ADCY1: variants seen among roughly 807,000 people sequenced by gnomAD.
ADCY1 encodes adenylate cyclase 1, also known as adenylate cyclase type 1.
In ADCY1, 28 loss-of-function variants were observed where a neutral mutation model predicts 105.4. The ratio of observed to expected loss-of-function variants is 0.27; its 90% CI spans 0.20 to 0.36. The LOEUF (loss-of-function observed/expected upper bound fraction) is 0.36. Ranked by LOEUF, ADCY1 falls within the 10% of genes least tolerant of loss-of-function variation. The pLI is 1.00. For missense variants in ADCY1, 977 were observed against 1,434.2 expected (o/e 0.68, Z 5.15); for synonymous variants, 655 against 623.8 (o/e 1.05, Z -0.75).
rs149332041 is a variant in ADCY1, at chr7:45,709,678, CA to C, written c.2933-848del. The stretch of plus-strand genomic sequence containing the variant: ...GGACAAGCTCAGAAAAATTAGTCCA[CA>C]AGTATGGAAGGGGAAGATAGGAAGT... On this transcript the variant is annotated intron_variant, in intron 18 of 19. Transcript: ENST00000297323. Among the ~76,000 whole-genome samples, 1,459 of 152,300 alleles carry C rather than the reference CA, an allele frequency of 9.6e-3. 15 individuals are homozygous for C. The highest frequency in any genetic ancestry group is 0.014 in the South Asian group (68 of 4,824).
intron 2 of ADCY1, among the ~76,000 whole-genome samples, chr7:45,607,763 G>A (rs1002233436): frequency 2.6e-5 from 4 of 152,162 alleles, no homozygotes; most frequent in African/African-American, 9.7e-5. Flanking sequence ...TTGCTGTAAA[G>A]GACATCATTT....
Position 45,703,447 on chromosome 7 carries a change from G to A in ADCY1, c.2526G>A (p.Pro842=), listed in dbSNP as rs150225572. 2.0e-4 allele frequency: 320 copies of A among 1,613,934 alleles called. 1 individual carries two copies. The highest frequency in any genetic ancestry group is 2.4e-4 in the Non-Finnish European group (287 of 1,179,994). The change falls in exon 15 of 20, where the codon CCG becomes CCA. Residue 842 remains proline, a synonymous_variant. Transcript: ENST00000297323. This position sits in a 1 kb window ranked among gnomAD's most constrained non-coding sequence, Gnocchi z 5.9. ...GGCGCATCCTCTTCAACCTCCTGCCGGCCCACGTCGCCCAGCACTTCCTCA... is the reference window on the plus strand; with the variant it reads ...GGCGCATCCTCTTCAACCTCCTGCCAGCCCACGTCGCCCAGCACTTCCTCA... The part of the protein sequence containing the change: ...DNRRILFNLL[P]AHVAQHFLMS...
Position 45,714,152 on chromosome 7 carries a change from C to T in ADCY1, c.*157C>T, listed in dbSNP as rs554652143. The stretch of plus-strand genomic sequence containing the variant: ...CATTGTCCAGGCATGGCCTGTGGCC[C>T]GAGGGCCAACCACCGAGCAGGCACA... On this transcript the variant is annotated 3_prime_UTR_variant, in exon 20 of 20. Coordinates refer to ENST00000297323, the MANE Select transcript of ADCY1 (RefSeq NM_021116.4). 3.3e-5 allele frequency: 20 copies of T among 598,612 alleles called. No homozygotes were observed. The highest frequency in any genetic ancestry group is 4.4e-4 in the Middle Eastern group (1 of 2,248). The allele number at this position is 598,612 out of a possible 1,614,324, so 37.1% of individuals were successfully genotyped here.
At chr7:45,644,002 C>T (rs1399595940) in intron 4 of ADCY1, among the ~76,000 whole-genome samples, 1 of 152,168 alleles carries the variant, frequency 6.6e-6, no homozygotes. Context: ...AGGAAGCTTC[C>T]TCTAGGGTTT....
At chr7:45,643,235 A>G (rs1233616328) in intron 4 of ADCY1, among the ~76,000 whole-genome samples, 1 of 150,688 alleles carries the variant, frequency 6.6e-6, no homozygotes, top group Non-Finnish European at 1.5e-5. Context: ...TCTGGGTTGT[A>G]ATTGGTCCGA....
At chr7:45,606,510 C>G (rs1259206609) in intron 2 of ADCY1, among the ~76,000 whole-genome samples, 1 of 152,210 alleles carries the variant, frequency 6.6e-6, no homozygotes, top group Non-Finnish European at 1.5e-5. Context: ...AGCACTCAGT[C>G]TGGCATATAT....
At chr7:45,623,621 T>G (rs538853551) in intron 4 of ADCY1, among the ~76,000 whole-genome samples, 3 of 152,168 alleles carry the variant, frequency 2.0e-5, no homozygotes, top group Non-Finnish European at 4.4e-5. Context: ...ATGGATACAT[T>G]GTACTACTCA....
chr7:45,657,675 C>T, intron 5 of ADCY1, 52 bp from the exon 6 acceptor site: 1 of 1,572,190 alleles, frequency 6.4e-7, no homozygotes, highest in Non-Finnish European at 8.6e-7. Context: ...AGGTGGCCCC[C>T]TGGGAGGATA....
Position 45,708,317 on chromosome 7 carries a change from C to G in ADCY1, c.2818-33C>G. The G allele has an allele frequency of 6.5e-7, 1 of 1,533,154 alleles. No homozygotes were observed. The highest frequency in any genetic ancestry group is 9.0e-7 in the Non-Finnish European group (1 of 1,107,220). 95.0% of individuals were successfully genotyped at this position (1,533,154 alleles called of 1,614,324 possible). ...CTGGCCCCCTCTTGCCTTGCACTCC[C>G]CAGATGTAATGACCCCATCTGTTTA... On this transcript the variant is annotated intron_variant, in intron 17 of 19. Coordinates refer to ENST00000297323, the MANE Select transcript of ADCY1 (RefSeq NM_021116.4). The surrounding 1 kb of genome is among the most constrained non-coding windows in gnomAD (Gnocchi z 4.7).
At position 45,656,518 on chromosome 7, in the gene ADCY1, G is replaced by T. The variant is rs1216860098; in HGVS notation, c.1149-1209G>T. ...GGCCTCCATGTGCTATGGTTTTTGG[G>T]CACAGGCCCTTGTAAGGATGAAGTG... On this transcript the variant is annotated intron_variant, in intron 5 of 19. Transcript: ENST00000297323. 2.6e-5 allele frequency among the ~76,000 whole-genome samples: 4 copies of T among 152,316 alleles called. No individual in the cohort carries two copies. In the East Asian group the frequency reaches 7.7e-4, roughly 29 times the overall value.
rs761339591 is a variant in ADCY1, at chr7:45,714,013, T to C, written c.*18T>C. ...AGGCTTAGTGGAGCCCACGTGGGCC[T>C]CTGGGGTGCACATGGGGTGGGAATG... is the stretch of plus-strand genomic sequence containing the variant. On this transcript the variant is annotated 3_prime_UTR_variant, in exon 20 of 20. Transcript: ENST00000297323. The C allele has an allele frequency of 2.6e-6, 2 of 762,502 alleles. No homozygotes were observed. Among genetic ancestry groups the C allele is most frequent in the East Asian group, 2.4e-5 (1 of 40,906 alleles). The allele number at this position is 762,502 out of a possible 1,614,324, so 47.2% of individuals were successfully genotyped here.
intron 10 of ADCY1, among the ~76,000 whole-genome samples, chr7:45,679,312 C>T (rs926322343): frequency 2.0e-5 from 3 of 152,270 alleles, no homozygotes; most frequent in South Asian, 4.2e-4. Context: ...GGGATTTAAG[C>T]GTTTTCTAAA....
chr7:45,578,796 TTCC>T (rs368087194), intron 1 of ADCY1, among the ~76,000 whole-genome samples: 29 of 152,324 alleles, frequency 1.9e-4, no homozygotes, highest in African/African-American at 6.3e-4. Flanking sequence ...AGCTCTGAGC[TTCC>T]TCCCTTTGCT....
At chr7:45,598,176 G>T (rs970671527) in intron 2 of ADCY1, among the ~76,000 whole-genome samples, 3 of 152,194 alleles carry the variant, frequency 2.0e-5, no homozygotes, top group Non-Finnish European at 4.4e-5. Flanking sequence ...CTGGGGCTCT[G>T]AAAATTTAAA....
At chr7:45,580,580 G>C (rs1483727201) in intron 1 of ADCY1, among the ~76,000 whole-genome samples, 1 of 152,202 alleles carries the variant, frequency 6.6e-6, no homozygotes, top group Non-Finnish European at 1.5e-5. Flanking sequence ...GGTGACCTTT[G>C]AAGGTGTGCA....
chr7:45,637,202 A>G (rs1645909581), intron 4 of ADCY1, among the ~76,000 whole-genome samples: 1 of 152,348 alleles, frequency 6.6e-6, no homozygotes, highest in South Asian at 2.1e-4. Context: ...AGAAACTTAC[A>G]ATTATATACA....
In ADCY1 at chr7:45,678,187, T is replaced by C; in HGVS notation, c.1822T>C (p.Tyr608His). Reference protein sequence around the residue: ...EQKYHQLQDEYFTSAVVLTLI... With the variant: ...EQKYHQLQDEHFTSAVVLTLI... The stretch of plus-strand genomic sequence containing the variant: ...ACAGTACCACCAGCTTCAGGACGAG[T>C]ATTTCACCAGCGCCGTTGTCCTCAC... Residue 608 changes from tyrosine to histidine, a missense_variant, in exon 10 of 20, where the codon TAT becomes CAT. This residue lies in a region of ADCY1 where 275 missense variants were observed against 362.1 expected (regional missense o/e 0.76). Transcript: ENST00000297323. 6.2e-7 allele frequency: 1 copy of C among 1,614,114 alleles called. No individual in the cohort carries two copies. The highest frequency in any genetic ancestry group is 8.5e-7 in the Non-Finnish European group (1 of 1,180,032).
intron 8 of ADCY1, among the ~76,000 whole-genome samples, chr7:45,672,198 A>C (rs909046465): frequency 1.3e-5 from 2 of 152,298 alleles, no homozygotes; most frequent in South Asian, 4.1e-4. Context: ...TTGATAAGCT[A>C]TCCTTCCTCC....
At chr7:45,593,006 A>C in intron 2 of ADCY1, 98 bp downstream of exon 2, 3 of 1,485,718 alleles carry the variant, frequency 2.0e-6, no homozygotes, top group Non-Finnish European at 2.7e-6. Flanking sequence ...CCGTGGTGAC[A>C]TGGGCCACAA....
Sources: gnomAD v4.1 joint callset for allele counts (sites outside exome capture counted in the v4.1 genomes callset) on GRCh38, gnomAD v4.1.1 for gene constraint, gnomAD v4.1.1 regional missense constraint, Gnocchi (gnomAD v3.1) non-coding constraint, MANE v1.5 for transcripts, NCBI Gene and HGNC (gene_info 2026-07-23, HGNC 2026-07-21) for gene names.